The following MYO18B variants were observed in gnomAD, a reference collection of about 807,000 sequenced individuals.
MYO18B encodes unconventional myosin-XVIIIb.
A neutral mutation model predicts 273.0 loss-of-function variants in MYO18B; 204 were observed. That is an observed-to-expected ratio of 0.75 (90% CI 0.67 to 0.84). The LOEUF is 0.84. MYO18B is among the 40% of genes least tolerant of loss of function. The pLI, the probability that MYO18B is intolerant of heterozygous loss-of-function variation, is 0.00. For synonymous variants in MYO18B, 1,330 were observed against 1,305.7 expected (o/e 1.02, Z -0.40); for missense variants, 3,212 against 3,287.6 (o/e 0.98, Z 0.56).
intron 11 of MYO18B, among the ~76,000 whole-genome samples, chr22:25,787,429 G>A (rs908401787): frequency 3.3e-5 from 5 of 151,980 alleles, no homozygotes; most frequent in African/African-American, 1.2e-4. Context: ...GCTGGTCCAG[G>A]GACCCCGCTT....
At chr22:25,828,386 A>C (rs1910145272) in intron 14 of MYO18B, among the ~76,000 whole-genome samples, 1 of 152,244 alleles carries the variant, frequency 6.6e-6, no homozygotes, top group African/African-American at 2.4e-5. Context: ...GATAGCTTGA[A>C]AGAATTTTGT....
intron 42 of MYO18B, among the ~76,000 whole-genome samples, chr22:26,015,032 T>G (rs933259729): frequency 1.3e-5 from 2 of 152,226 alleles, no homozygotes; most frequent in Non-Finnish European, 2.9e-5. Flanking sequence ...GATAAGTCTC[T>G]TTTGCTGTAC....
intron 1 of MYO18B, among the ~76,000 whole-genome samples, chr22:25,744,934 T>A (rs547023280): frequency 6.6e-6 from 1 of 151,864 alleles, no homozygotes; most frequent in Non-Finnish European, 1.5e-5. Context: ...AGCAAGAGCA[T>A]TGGGCCAAGA....
intron 34 of MYO18B, among the ~76,000 whole-genome samples, chr22:25,925,682 A>T (rs1302138936): frequency 6.6e-6 from 1 of 151,964 alleles, no homozygotes; most frequent in Non-Finnish European, 1.5e-5. Flanking sequence ...AGGCGGGTGG[A>T]TCACCTGGGG....
intron 12 of MYO18B, among the ~76,000 whole-genome samples, chr22:25,801,357 A>C (rs1053046839): frequency 2.6e-5 from 4 of 152,194 alleles, no homozygotes; most frequent in Non-Finnish European, 5.9e-5. Context: ...TTATACCTCT[A>C]TTATGCCCTT....
At chr22:25,999,654 C>CCTCCTT (rs1933746085) in intron 40 of MYO18B, among the ~76,000 whole-genome samples, 3 of 139,446 alleles carry the variant, frequency 2.2e-5, no homozygotes, top group Middle Eastern at 3.5e-3. Context: ...TCCTCCTTCT[C>CCTCCTT]CTCCTCCTCC....
At chr22:26,032,724 T>C (rs1287714868), downstream of MYO18B, among the ~76,000 whole-genome samples, 1 of 152,082 alleles carries the variant, frequency 6.6e-6, no homozygotes, top group East Asian at 1.9e-4. Flanking sequence ...TGTTTCTCCA[T>C]GTTGGTCAGG....
At chr22:25,960,712 CTTTA>C (rs1021403436) in intron 39 of MYO18B, among the ~76,000 whole-genome samples, 15 of 152,120 alleles carry the variant, frequency 9.9e-5, no homozygotes, top group Non-Finnish European at 1.6e-4. Context: ...CTCACTCTAT[CTTTA>C]TTTAAGCATC....
chr22:25,969,725 G>A (rs1299164828), intron 39 of MYO18B, among the ~76,000 whole-genome samples: 7 of 152,222 alleles, frequency 4.6e-5, no homozygotes, highest in Admixed American at 1.3e-4. Context: ...AGGAGACTTA[G>A]ATGCAAATCT....
At chr22:25,742,460 C>G (rs1178370920) in intron 1 of MYO18B, among the ~76,000 whole-genome samples, 167 bp downstream of exon 1, 1 of 152,052 alleles carries the variant, frequency 6.6e-6, no homozygotes, top group African/African-American at 2.4e-5. Flanking sequence ...TTGCCTGTTG[C>G]CCGTGCTGCT....
In MYO18B at chr22:25,992,813, G is replaced by A. The variant is rs5752250; in HGVS notation, c.6287+320G>A. On this transcript the variant is annotated intron_variant, in intron 40 of 43. Transcript: ENST00000335473. ...GCCTAATTCTCTCATCTGTAAAATG[G>A]GCATAATAATATTAGGATGAATCAC... Among the ~76,000 whole-genome samples the A allele has an allele frequency of 0.071, 10,802 of 152,132 alleles. 993 individuals are homozygous for A. The highest frequency in any genetic ancestry group is 0.21 in the African/African-American group (8,556 of 41,446).
intron 32 of MYO18B, among the ~76,000 whole-genome samples, chr22:25,910,229 G>A (rs1483084672): frequency 6.6e-6 from 1 of 152,182 alleles, no homozygotes; most frequent in African/African-American, 2.4e-5. Context: ...TCTGGAGGCT[G>A]GGAAATCTGA....
At position 26,026,422 on chromosome 22, in the gene MYO18B, C is replaced by G. The variant is rs1936243698; in HGVS notation, c.6471-23C>G. ...GTATGAATTGCACAATTTCTACAGA[C>G]TGCATTTTTCTTCTTGGCACAGGAT... On this transcript the variant is annotated intron_variant, in intron 42 of 43. Coordinates refer to ENST00000335473, the MANE Select transcript of MYO18B (RefSeq NM_032608.7). 1.9e-6 allele frequency: 3 copies of G among 1,582,922 alleles called. No individual in the cohort carries two copies. In the Admixed American group the frequency reaches 5.4e-5, roughly 29 times the overall value.
At chr22:25,965,600 A>C (rs1487881766) in intron 39 of MYO18B, among the ~76,000 whole-genome samples, 1 of 152,226 alleles carries the variant, frequency 6.6e-6, no homozygotes, top group East Asian at 1.9e-4. Flanking sequence ...GAAGCAATGC[A>C]CAGTAGCGCA....
Position 25,851,580 on chromosome 22 carries a change from G to T in MYO18B, c.3885+1G>T. ...CTCCGAGGGAATAGATGAAAGGAAG[G>T]TAGGTGGAGCACATGCGAGAGGGGT... On this transcript the variant is annotated splice_donor_variant, in intron 21 of 43. Transcript: ENST00000335473. LOFTEE classifies it high-confidence loss of function. 6.5e-7 allele frequency: 1 copy of T among 1,549,170 alleles called. No individual in the cohort carries two copies. Among genetic ancestry groups the T allele is most frequent in the Non-Finnish European group, 8.7e-7 (1 of 1,143,632 alleles).
chr22:26,010,206 C>A (rs1276138506), intron 42 of MYO18B, among the ~76,000 whole-genome samples: 1 of 152,204 alleles, frequency 6.6e-6, no homozygotes, highest in African/African-American at 2.4e-5. Context: ...ACCTTTAAGT[C>A]AAGCTACCAT....
intron 39 of MYO18B, among the ~76,000 whole-genome samples, chr22:25,968,017 C>T (rs953310503): frequency 1.3e-5 from 2 of 152,160 alleles, no homozygotes; most frequent in African/African-American, 4.8e-5. Context: ...CGACTGAATC[C>T]CTCCCTTCCC....
chr22:25,954,869 G>A lies in MYO18B; in HGVS notation c.5971-310G>A, dbSNP rs148457371. On this transcript the variant is annotated intron_variant, in intron 38 of 43. Coordinates refer to ENST00000335473, the MANE Select transcript of MYO18B (RefSeq NM_032608.7). ...AGGGATTACAGGCATGCGCCACCACGCCCGGCTAATTTTTGTATTTCTTAG... is the reference window on the plus strand; with the variant it reads ...AGGGATTACAGGCATGCGCCACCACACCCGGCTAATTTTTGTATTTCTTAG... 9.4e-4 allele frequency among the ~76,000 whole-genome samples: 143 copies of A among 152,030 alleles called. 1 individual carries two copies. Among genetic ancestry groups the A allele is most frequent in the African/African-American group, 3.3e-3 (135 of 41,478 alleles).
chr22:25,752,415 C>T lies in MYO18B; in HGVS notation c.-109-8569C>T, dbSNP rs532026977. Among the ~76,000 whole-genome samples, 11 of 151,758 alleles carry T rather than the reference C, an allele frequency of 7.2e-5. 1 individual carries two copies. In the East Asian group the frequency reaches 1.7e-3, roughly 24 times the overall value. On this transcript the variant is annotated intron_variant, in intron 1 of 43. Transcript: ENST00000335473. ...TTTTAGCCGGGATGGTCTCGATCTCCTGACCTCGTGATCCGCCCGCCTCGG... is the reference window on the plus strand; with the variant it reads ...TTTTAGCCGGGATGGTCTCGATCTCTTGACCTCGTGATCCGCCCGCCTCGG...
Sources: allele counts gnomAD v4.1 joint callset (sites outside exome capture counted in the v4.1 genomes callset), GRCh38; gene constraint gnomAD v4.1.1; transcripts MANE v1.5; gene names NCBI Gene and HGNC (gene_info 2026-07-23, HGNC 2026-07-21).